The following VAV1 variants were observed in gnomAD, a reference collection of about 807,000 sequenced individuals.
VAV1 encodes the protein proto-oncogene vav.
A neutral mutation model predicts 128.1 loss-of-function variants in VAV1; 33 were observed. That is an observed-to-expected ratio of 0.26 (90% CI 0.20 to 0.34). The LOEUF (loss-of-function observed/expected upper bound fraction) is 0.34. Ranked by LOEUF, VAV1 falls within the 10% of genes least tolerant of loss-of-function variation. The pLI, the probability that VAV1 is intolerant of heterozygous loss-of-function variation, is 1.00. For missense variants in VAV1, 715 were observed against 1,093.7 expected, an observed-to-expected ratio of 0.65 and a Z score of 4.88; for synonymous variants, 394 against 409.8, an observed-to-expected ratio of 0.96 and a Z score of 0.47.
At chr19:6,802,952 T>A (rs936436852) in intron 1 of VAV1, among the ~76,000 whole-genome samples, 3 of 152,206 alleles carry the variant, frequency 2.0e-5, no homozygotes, top group Admixed American at 6.6e-5. Context: ...GTTGAACATT[T>A]ATGTCCACAC....
intron 1 of VAV1, among the ~76,000 whole-genome samples, chr19:6,790,770 T>C (rs2144712701): frequency 6.6e-6 from 1 of 152,312 alleles, no homozygotes; most frequent in Non-Finnish European, 1.5e-5. Context: ...CCCGTTTTAA[T>C]TATATGCAAA....
intron 1 of VAV1, among the ~76,000 whole-genome samples, chr19:6,776,353 TATCCATCC>T (rs371099055): frequency 0.032 from 2,329 of 72,730 alleles, 80 homozygotes; most frequent in African/African-American, 0.098. Context: ...TCCACTCATC[TATCCATCC>T]ATCCATCCAT....
intron 1 of VAV1, among the ~76,000 whole-genome samples, chr19:6,795,655 G>T (rs1971116850): frequency 6.6e-6 from 1 of 151,880 alleles, no homozygotes; most frequent in Non-Finnish European, 1.5e-5. Flanking sequence ...GCTGGTTTTG[G>T]GGTTTAGTCC....
intron 1 of VAV1, among the ~76,000 whole-genome samples, chr19:6,778,010 C>T (rs905049977): frequency 6.6e-6 from 1 of 152,072 alleles, no homozygotes; most frequent in Non-Finnish European, 1.5e-5. Context: ...GATCTTGGCT[C>T]ACTGCAACCT....
At chr19:6,773,863 CG>C (rs1430279806) in intron 1 of VAV1, among the ~76,000 whole-genome samples, 13 of 151,640 alleles carry the variant, frequency 8.6e-5, no homozygotes, top group Admixed American at 2.0e-4. Flanking sequence ...TGGGTGGGAA[CG>C]GGGGACGGGG....
In VAV1 at chr19:6,822,566, G is replaced by C; in HGVS notation, c.654+52G>C. On this transcript the variant is annotated intron_variant, in intron 6 of 26. Coordinates refer to ENST00000602142, the MANE Select transcript of VAV1 (RefSeq NM_005428.4). The surrounding 1 kb of genome is among the most constrained non-coding windows in gnomAD (Gnocchi z 5.9). ...CGGGCGCATGCGCGGGAGCTGGGCCGGCAGGTGCACGTCCACCTGTCCGGC... is the reference window on the plus strand; with the variant it reads ...CGGGCGCATGCGCGGGAGCTGGGCCCGCAGGTGCACGTCCACCTGTCCGGC... 2.0e-6 allele frequency: 3 copies of C among 1,508,330 alleles called. No homozygotes were observed. The highest frequency in any genetic ancestry group is 1.2e-5 in the South Asian group (1 of 83,052). 93.4% of individuals were successfully genotyped at this position (1,508,330 alleles called of 1,614,324 possible).
chr19:6,778,908 G>A (rs1316003028), intron 1 of VAV1, among the ~76,000 whole-genome samples: 1 of 146,248 alleles, frequency 6.8e-6, no homozygotes, highest in Non-Finnish European at 1.5e-5. Context: ...ACAGAGTTTT[G>A]CTCTGTCAGC....
intron 1 of VAV1, among the ~76,000 whole-genome samples, chr19:6,792,042 A>C (rs1008070443): frequency 6.6e-6 from 1 of 152,100 alleles, no homozygotes; most frequent in Admixed American, 6.6e-5. Context: ...GGAGCATTTA[A>C]GCAGATCAAT....
intron 1 of VAV1, among the ~76,000 whole-genome samples, chr19:6,779,922 T>G (rs551666697): frequency 6.7e-6 from 1 of 149,282 alleles, no homozygotes; most frequent in South Asian, 2.2e-4. Context: ...CCATCCTGGC[T>G]AACACGGTGA....
intron 1 of VAV1, among the ~76,000 whole-genome samples, chr19:6,804,814 C>T (rs1971354336): frequency 6.6e-6 from 1 of 151,358 alleles, no homozygotes; most frequent in African/African-American, 2.4e-5. Context: ...AGCTCTGCCT[C>T]CCACGTTCAC....
Position 6,857,205 on chromosome 19 carries a change from A to C in VAV1, c.*98A>C. The C allele has an allele frequency of 2.6e-6, 4 of 1,546,758 alleles. No homozygotes were observed. Among genetic ancestry groups the C allele is most frequent in the Non-Finnish European group, 2.6e-6 (3 of 1,137,972 alleles). ...GGCTGTGACAGCTCCCGGCGGGTGG[A>C]GACTTTGGGATGGACTGGAGGAGGC... On this transcript the variant is annotated 3_prime_UTR_variant, in exon 27 of 27. Transcript: ENST00000602142.
At chr19:6,847,332 C>G (rs1972549291) in intron 22 of VAV1, among the ~76,000 whole-genome samples, 1 of 152,032 alleles carries the variant, frequency 6.6e-6, no homozygotes, top group Non-Finnish European at 1.5e-5. Flanking sequence ...CCGCAGCCCC[C>G]GGGAACCAAG....
At chr19:6,839,774 C>T (rs1241569422) in intron 21 of VAV1, among the ~76,000 whole-genome samples, 1 of 152,142 alleles carries the variant, frequency 6.6e-6, no homozygotes, top group Non-Finnish European at 1.5e-5. Flanking sequence ...CCACCGCAGC[C>T]TCGCCTCCCA....
rs184711056 is a variant in VAV1 at position 6,791,733 on chromosome 19, T to A, written c.204+18722T>A. 4.6e-4 allele frequency among the ~76,000 whole-genome samples: 70 copies of A among 152,150 alleles called. 1 individual carries two copies. The East Asian group carries it at 0.013, about 29-fold the overall frequency. ...AAACGCTGGCACATTGTAATAAATG[T>A]CACAGATGAAACAAACCCAGGGATC... On this transcript the variant is annotated intron_variant, in intron 1 of 26. Coordinates refer to ENST00000602142, the MANE Select transcript of VAV1 (RefSeq NM_005428.4).
chr19:6,778,874 C>CTTT (rs1033290621), intron 1 of VAV1, among the ~76,000 whole-genome samples: 1 of 142,366 alleles, frequency 7.0e-6, no homozygotes. Context: ...CCCGTCTCTA[C>CTTT]TTTTTTTTTT....
intron 1 of VAV1, among the ~76,000 whole-genome samples, chr19:6,785,661 CTTTTTT>C (rs754577854): frequency 2.3e-5 from 3 of 128,504 alleles, no homozygotes; most frequent in African/African-American, 8.6e-5. Context: ...TTCTTTCTTT[CTTTTTT>C]TTTTTTTTTT....
At chr19:6,850,860 C>T (rs111245427) in intron 24 of VAV1, 103 bp downstream of exon 24, 26 of 1,073,878 alleles carry the variant, frequency 2.4e-5, no homozygotes, top group Non-Finnish European at 2.8e-6. Flanking sequence ...GGGTGACCCC[C>T]CTCCAGTGGC....
chr19:6,810,404 A>G (rs1461707903), intron 1 of VAV1, among the ~76,000 whole-genome samples: 2 of 152,110 alleles, frequency 1.3e-5, no homozygotes, highest in Non-Finnish European at 2.9e-5. Flanking sequence ...ACGATCACCT[A>G]TGAAATTACT....
chr19:6,823,812 T>G (rs1434341107), intron 6 of VAV1, among the ~76,000 whole-genome samples: 1 of 152,222 alleles, frequency 6.6e-6, no homozygotes, highest in Non-Finnish European at 1.5e-5. Flanking sequence ...AATATACATG[T>G]AATCCACCCA....
Sources: gnomAD v4.1 joint callset for allele counts (sites outside exome capture counted in the v4.1 genomes callset) on GRCh38, gnomAD v4.1.1 for gene constraint, Gnocchi (gnomAD v3.1) non-coding constraint, MANE v1.5 for transcripts, NCBI Gene and HGNC (gene_info 2026-07-23, HGNC 2026-07-21) for gene names.